The following EED variants were observed in gnomAD, a reference collection of about 807,000 sequenced individuals.
The protein encoded by EED is polycomb protein EED.
In EED, 9 loss-of-function variants were observed where a neutral mutation model predicts 61.0. That is an observed-to-expected ratio of 0.15 (90% CI 0.09 to 0.26). EED has a LOEUF of 0.26. EED is among the 10% of genes least tolerant of loss of function. EED has a pLI of 1.00. For missense variants in EED, 315 were observed against 542.3 expected (o/e 0.58, Z 4.16); for synonymous variants, 187 against 174.4 (o/e 1.07, Z -0.57).
At chr11:86,254,766 GC>G (rs142874835) in intron 3 of EED, among the ~76,000 whole-genome samples, 6,859 of 152,160 alleles carry the variant, frequency 0.045, 409 homozygotes, top group African/African-American at 0.13. Context: ...GGGATTACGG[GC>G]ATGTGCCACC....
At chr11:86,264,630 GA>G (rs1386784661) in intron 7 of EED, 1 of 163,760 alleles carries the variant, frequency 6.1e-6, no homozygotes, top group African/African-American at 2.4e-5. Context: ...TCTTTTGTTT[GA>G]AGTTGAAACA....
chr11:86,274,286 T>C (rs1946181418), intron 9 of EED, among the ~76,000 whole-genome samples: 1 of 152,184 alleles, frequency 6.6e-6, no homozygotes, highest in Non-Finnish European at 1.5e-5. Context: ...TGAAGCATTT[T>C]TATATTCCTG....
At chr11:86,255,189 A>G (rs1945638133) in intron 3 of EED, 33 bp from the exon 4 acceptor site, 2 of 1,523,746 alleles carry the variant, frequency 1.3e-6, no homozygotes, top group Non-Finnish European at 1.8e-6. Context: ...TCTATACTTG[A>G]GATGAAATTT....
At chr11:86,263,656 C>G (rs994182360) in intron 6 of EED, among the ~76,000 whole-genome samples, 1 of 152,186 alleles carries the variant, frequency 6.6e-6, no homozygotes, top group Non-Finnish European at 1.5e-5. Flanking sequence ...GCTGGGGTTA[C>G]AAGCATGAGC....
intron 9 of EED, among the ~76,000 whole-genome samples, chr11:86,269,907 G>A (rs1217503089): frequency 6.6e-6 from 1 of 152,158 alleles, no homozygotes; most frequent in East Asian, 1.9e-4. Context: ...ATGGTAGGAG[G>A]TTTTGGTCAT....
At position 86,245,269 on chromosome 11, in the gene EED, G is replaced by A. The variant is rs1294600154; in HGVS notation, c.40G>A (p.Asp14Asn). 9 of 1,613,610 alleles carry A rather than the reference G, an allele frequency of 5.6e-6. No homozygotes were observed. Among genetic ancestry groups the A allele is most frequent in the Non-Finnish European group, 7.6e-6 (9 of 1,179,974 alleles). The change falls in exon 1 of 12, where the codon GAC becomes AAC. Residue 14 changes from aspartate to asparagine, a missense_variant. By Grantham distance (23) the Asp-to-Asn change is conservative. Coordinates refer to ENST00000263360, the MANE Select transcript of EED (RefSeq NM_003797.5). The part of the protein sequence containing the change: ...REVSTAPAGT[D>N]MPAAKKQKLS... ...AGTGTCGACTGCGCCGGCGGGAACAGACATGCCTGCGGCCAAGAAGCAGAA... is the reference window on the plus strand; with the variant it reads ...AGTGTCGACTGCGCCGGCGGGAACAAACATGCCTGCGGCCAAGAAGCAGAA...
chr11:86,249,298 A>G (rs534568956), intron 1 of EED, among the ~76,000 whole-genome samples: 7 of 151,790 alleles, frequency 4.6e-5, no homozygotes, highest in African/African-American at 1.4e-4. Flanking sequence ...TTAACCTTCT[A>G]TATAAAACCA....
chr11:86,278,128 A>T (rs1946274934), intron 11 of EED, 137 bp downstream of exon 11: 3 of 1,353,594 alleles, frequency 2.2e-6, no homozygotes, highest in Non-Finnish European at 2.9e-6. Flanking sequence ...AGTTAAAGTT[A>T]TTCTTTTTTA....
In EED at chr11:86,257,554, T is replaced by C; in HGVS notation, c.592T>C (p.Phe198Leu). 1 of 1,612,428 alleles carries C rather than the reference T, an allele frequency of 6.2e-7. No homozygotes were observed. Among genetic ancestry groups the C allele is most frequent in the Non-Finnish European group, 8.5e-7 (1 of 1,179,240 alleles). ...GHGNAINELK[F>L]HPRDPNLLLS... The stretch of plus-strand genomic sequence containing the variant: ...TGGAAATGCTATCAATGAGCTGAAA[T>C]TCCATCCAAGAGATCCAAATCTTCT... Residue 198 changes from phenylalanine to leucine, a missense_variant, in exon 6 of 12, where the codon TTC becomes CTC. This residue lies in a region of EED where 205 missense variants were observed against 455.4 expected (regional missense o/e 0.45). Transcript: ENST00000263360.
downstream of EED, among the ~76,000 whole-genome samples, chr11:86,281,160 A>G (rs1198943709): frequency 6.6e-6 from 1 of 152,178 alleles, no homozygotes; most frequent in Non-Finnish European, 1.5e-5. Context: ...TCAGGCTAAT[A>G]CTGTCCTCGT....
intron 9 of EED, among the ~76,000 whole-genome samples, chr11:86,269,737 T>G (rs573440010): frequency 6.1e-4 from 93 of 152,330 alleles, no homozygotes; most frequent in South Asian, 4.3e-3. Flanking sequence ...ACGTGAATTT[T>G]GTCATTTCAA....
chr11:86,262,813 CTTTT>C (rs34817049), intron 6 of EED, among the ~76,000 whole-genome samples: 1 of 138,734 alleles, frequency 7.2e-6, no homozygotes, highest in Non-Finnish European at 1.5e-5. Flanking sequence ...CCTGGCCTGG[CTTTT>C]TTTTTTTTTC....
rs1333263279 is a variant in EED at position 86,268,543 on chromosome 11, C to T, written c.948C>T (p.Gly316=). The T allele has an allele frequency of 1.2e-6, 2 of 1,608,838 alleles. No individual in the cohort carries two copies. The highest frequency in any genetic ancestry group is 1.3e-5 in the African/African-American group (1 of 74,166). Residue 316 remains glycine, a synonymous_variant, in exon 9 of 12, where the codon GGC becomes GGT. Coordinates refer to ENST00000263360, the MANE Select transcript of EED (RefSeq NM_003797.5). The part of the protein sequence containing the change: ...RNYVDCVRWL[G]DLILSKSCEN... ...ATGTTGATTGTGTGCGATGGTTAGG[C>T]GATTTGATACTTTCTAAGGTATGGT...
At chr11:86,247,448 G>A (rs887349023) in intron 1 of EED, among the ~76,000 whole-genome samples, 1 of 152,168 alleles carries the variant, frequency 6.6e-6, no homozygotes, top group Non-Finnish European at 1.5e-5. Context: ...TAAGTAACAA[G>A]ATCTAGCAGC....
intron 7 of EED, 111 bp downstream of exon 7, chr11:86,264,374 C>T: frequency 1.5e-6 from 1 of 654,030 alleles, no homozygotes; most frequent in South Asian, 2.5e-5. Context: ...GTCAGGCAGA[C>T]ATTCACTTAC....
chr11:86,282,070 A>G (rs1007742459), downstream of EED, among the ~76,000 whole-genome samples: 4 of 152,022 alleles, frequency 2.6e-5, no homozygotes, highest in East Asian at 1.9e-4. Context: ...TACATAGCCA[A>G]TCTTGATTTA....
intron 1 of EED, among the ~76,000 whole-genome samples, chr11:86,248,061 C>A (rs1472912560): frequency 2.0e-5 from 3 of 152,222 alleles, no homozygotes; most frequent in African/African-American, 7.2e-5. Context: ...GCAGGGAATC[C>A]CTGTGGCAAG....
At chr11:86,282,206 G>C (rs1031300575), downstream of EED, among the ~76,000 whole-genome samples, 3 of 152,110 alleles carry the variant, frequency 2.0e-5, no homozygotes, top group Non-Finnish European at 4.4e-5. Context: ...CCTTTAAAAA[G>C]TAATTTCTAA....
At chr11:86,276,829 TATAA>T (rs1181421975) in intron 9 of EED, 147 bp from the exon 10 acceptor site, 9 of 511,174 alleles carry the variant, frequency 1.8e-5, no homozygotes, top group Non-Finnish European at 2.8e-5. Flanking sequence ...TGACTGTAAA[TATAA>T]ATGAATGTAC....
Sources: gnomAD v4.1 joint callset for allele counts (sites outside exome capture counted in the v4.1 genomes callset) on GRCh38, gnomAD v4.1.1 for gene constraint, gnomAD v4.1.1 regional missense constraint, MANE v1.5 for transcripts, NCBI Gene and HGNC (gene_info 2026-07-23, HGNC 2026-07-21) for gene names.